PPP1R3B: variants seen among roughly 807,000 people sequenced by gnomAD.
PPP1R3B encodes PP1 subunit R4.
A neutral mutation model predicts 14.6 loss-of-function variants in PPP1R3B; 8 were observed. The observed-to-expected ratio is 0.55, with a 90% CI of 0.32 to 0.99. PPP1R3B has a LOEUF of 0.99. Among genes scored for constraint, PPP1R3B ranks in the 50% least tolerant of loss-of-function variants. The pLI, the probability that PPP1R3B is intolerant of heterozygous loss-of-function variation, is 0.04. For synonymous variants in PPP1R3B, 169 were observed against 142.0 expected, an observed-to-expected ratio of 1.19 and a Z score of -1.35; for missense variants, 452 against 360.1, an observed-to-expected ratio of 1.26 and a Z score of -2.07.
chr8:9,146,263 C>T (rs767130325), intron 1 of PPP1R3B, among the ~76,000 whole-genome samples: 1 of 152,174 alleles, frequency 6.6e-6, no homozygotes, highest in Admixed American at 6.5e-5. Context: ...TCACAGAACA[C>T]AGGATCTGGA....
Position 9,137,174 on chromosome 8 carries a change from T to C in PPP1R3B, c.*3620A>G, listed in dbSNP as rs1800916161. On this transcript the variant is annotated 3_prime_UTR_variant, in exon 2 of 2. Coordinates refer to ENST00000310455, the MANE Select transcript of PPP1R3B (RefSeq NM_024607.4). Reference sequence around the variant, plus strand: ...TCTCACCAGCTCCAGTAGAATAATTTTTTAAATAAAGAAACCCACTCAAAT... The same window carrying C: ...TCTCACCAGCTCCAGTAGAATAATTCTTTAAATAAAGAAACCCACTCAAAT... 1 of 152,240 alleles carries C rather than the reference T, an allele frequency of 6.6e-6. No homozygotes were observed. The highest frequency in any genetic ancestry group is 1.5e-5 in the Non-Finnish European group (1 of 68,048). 9.4% of individuals were successfully genotyped at this position (152,240 alleles called of 1,614,324 possible). A position where few individuals can be genotyped will look rare whatever the true frequency, so the allele number is the denominator to read the frequency against.
rs1235248941 is a variant in PPP1R3B, at chr8:9,137,745, G to A, written c.*3049C>T. On this transcript the variant is annotated 3_prime_UTR_variant, in exon 2 of 2. Coordinates refer to ENST00000310455, the MANE Select transcript of PPP1R3B (RefSeq NM_024607.4). ...AGCCCTGATGAGGAAACTCAGGCAA[G>A]TAGAGTCTTTTATTGGAGAAGAAGG... 1 of 152,268 alleles carries A rather than the reference G, an allele frequency of 6.6e-6. No individual in the cohort carries two copies. Among genetic ancestry groups the A allele is most frequent in the Admixed American group, 6.5e-5 (1 of 15,276 alleles). The allele number at this position is 152,268 out of a possible 1,614,324, so 9.4% of individuals were successfully genotyped here.
chr8:9,137,836 T>A lies in PPP1R3B; in HGVS notation c.*2958A>T, dbSNP rs1585334693. The stretch of plus-strand genomic sequence containing the variant: ...GGCAGGGTGAGCATCCCAGGTGTGC[T>A]GGCTGGGGGCTTGCATCCAGCACCC... On this transcript the variant is annotated 3_prime_UTR_variant, in exon 2 of 2. Transcript: ENST00000310455. The A allele has an allele frequency of 6.6e-6, 1 of 152,108 alleles. No individual in the cohort carries two copies. The highest frequency in any genetic ancestry group is 1.5e-5 in the Non-Finnish European group (1 of 68,042). The allele number at this position is 152,108 out of a possible 1,614,324, so 9.4% of individuals were successfully genotyped here. A position where few individuals can be genotyped will look rare whatever the true frequency, so the allele number is the denominator to read the frequency against.
chr8:9,142,026 C>G (rs1801107461), intron 1 of PPP1R3B, among the ~76,000 whole-genome samples: 1 of 152,218 alleles, frequency 6.6e-6, no homozygotes, highest in Admixed American at 6.5e-5. Flanking sequence ...GGCATATATA[C>G]TGTTTTAAAA....
chr8:9,145,392 TAATG>T (rs1801211284), intron 1 of PPP1R3B: 2 of 152,272 alleles, frequency 1.3e-5, no homozygotes, highest in Non-Finnish European at 2.9e-5. Flanking sequence ...CGCATCCACT[TAATG>T]AATAGTAAAT....
At position 9,136,835 on chromosome 8, in the gene PPP1R3B, A is replaced by G. The variant is rs943263255; in HGVS notation, c.*3959T>C. 1 of 152,234 alleles carries G rather than the reference A, an allele frequency of 6.6e-6. No homozygotes were observed. Among genetic ancestry groups the G allele is most frequent in the African/African-American group, 2.4e-5 (1 of 41,454 alleles). 9.4% of individuals were successfully genotyped at this position (152,234 alleles called of 1,614,324 possible). On this transcript the variant is annotated 3_prime_UTR_variant, in exon 2 of 2. Coordinates refer to ENST00000310455, the MANE Select transcript of PPP1R3B (RefSeq NM_024607.4). ...TAGAAGAGGAAACAAATAAAAGGCA[A>G]CCAAGGTTTTCATCCCCTATCCATT...
In PPP1R3B at chr8:9,138,905, C is replaced by G. The variant is rs972934800; in HGVS notation, c.*1889G>C. ...GAAAAATCACAGGTTTGGGGCCTAT[C>G]TGATAATGACTGTCCCGGAAGTCTC... is the stretch of plus-strand genomic sequence containing the variant. On this transcript the variant is annotated 3_prime_UTR_variant, in exon 2 of 2. Transcript: ENST00000310455. 1 of 135,288 alleles carries G rather than the reference C, an allele frequency of 7.4e-6. No homozygotes were observed. Among genetic ancestry groups the G allele is most frequent in the African/African-American group, 2.5e-5 (1 of 39,636 alleles). 8.4% of individuals were successfully genotyped at this position (135,288 alleles called of 1,614,324 possible).
intron 1 of PPP1R3B, among the ~76,000 whole-genome samples, chr8:9,149,946 G>T (rs1051210170): frequency 1.3e-5 from 2 of 152,230 alleles, no homozygotes; most frequent in Admixed American, 6.5e-5. Context: ...CTACTTGAGC[G>T]AGTCACTCAG....
chr8:9,144,110 A>G (rs897283553), intron 1 of PPP1R3B, among the ~76,000 whole-genome samples: 1 of 152,134 alleles, frequency 6.6e-6, no homozygotes, highest in African/African-American at 2.4e-5. Context: ...TAATTTAAGA[A>G]ATTTAGATGA....
upstream of PPP1R3B, among the ~76,000 whole-genome samples, chr8:9,150,886 T>A (rs1032489780): frequency 1.3e-5 from 2 of 152,150 alleles, no homozygotes; most frequent in South Asian, 4.1e-4. Flanking sequence ...GCCTACCAAG[T>A]GTATTTCCTC....
intron 1 of PPP1R3B, among the ~76,000 whole-genome samples, chr8:9,147,552 G>A (rs887887272): frequency 6.6e-6 from 1 of 151,932 alleles, no homozygotes; most frequent in Non-Finnish European, 1.5e-5. Context: ...AAGATATTGT[G>A]GAAACAGCCA....
At chr8:9,148,142 G>C (rs1176743147) in intron 1 of PPP1R3B, among the ~76,000 whole-genome samples, 1 of 152,212 alleles carries the variant, frequency 6.6e-6, no homozygotes, top group Non-Finnish European at 1.5e-5. Flanking sequence ...CCAGCGGACT[G>C]TGACAGGGAT....
Position 9,144,870 on chromosome 8 carries a change from C to T in PPP1R3B, c.-17-3202G>A, listed in dbSNP as rs187703157. On this transcript the variant is annotated intron_variant, in intron 1 of 1. Coordinates refer to ENST00000310455, the MANE Select transcript of PPP1R3B (RefSeq NM_024607.4). The stretch of plus-strand genomic sequence containing the variant: ...AAGTGATTCTCCTGCCTTAGCCTTT[C>T]GAGTAGCTGGGATTACAGGAGTCTG... Among the ~76,000 whole-genome samples, 78 of 152,244 alleles carry T rather than the reference C, an allele frequency of 5.1e-4. No individual in the cohort carries two copies. In the East Asian group the frequency reaches 0.013, roughly 25 times the overall value.
At position 9,140,230 on chromosome 8, in the gene PPP1R3B, C is replaced by G. The variant is rs1801027079; in HGVS notation, c.*564G>C. The G allele has an allele frequency of 6.3e-6, 1 of 157,702 alleles. No individual in the cohort carries two copies. The highest frequency in any genetic ancestry group is 6.0e-5 in the Admixed American group (1 of 16,642). The allele number at this position is 157,702 out of a possible 1,614,324, so 9.8% of individuals were successfully genotyped here. ...ACATAAAATGCAAAACATGAACTTG[C>G]AGAAAACAAGAGCCAATCCCATTTC... On this transcript the variant is annotated 3_prime_UTR_variant, in exon 2 of 2. Transcript: ENST00000310455.
chr8:9,141,235 C>T lies in PPP1R3B; in HGVS notation c.417G>A (p.Val139=). ...QADHVCLENC[V]LKDKAIAGTV... ...TGCCTGCAATGGCCTTGTCCTTGAG[C>T]ACACAGTTCTCAAGGCAGACGTGGT... Residue 139 remains valine (V), a synonymous_variant, in exon 2 of 2, where the codon GTG becomes GTA. Coordinates refer to ENST00000310455, the MANE Select transcript of PPP1R3B (RefSeq NM_024607.4). The T allele has an allele frequency of 3.7e-6, 6 of 1,614,150 alleles. No individual in the cohort carries two copies. The highest frequency in any genetic ancestry group is 4.2e-6 in the Non-Finnish European group (5 of 1,179,994).
At position 9,141,388 on chromosome 8, in the gene PPP1R3B, C is replaced by T; in HGVS notation, c.264G>A (p.Met88Ile). The change falls in exon 2 of 2, where the codon ATG becomes ATA. Residue 88 changes from methionine (M) to isoleucine (I), a missense_variant. Met to Ile is a conservative substitution (Grantham distance 10). Transcript: ENST00000310455. The part of the protein sequence containing the change: ...VFSEFDDPLD[M>I]PFNITELLDN... ...CTAGGAGCTCGGTGATGTTGAATGGCATATCTAGCGGGTCATCGAATTCCG... is the reference window on the plus strand; with the variant it reads ...CTAGGAGCTCGGTGATGTTGAATGGTATATCTAGCGGGTCATCGAATTCCG... 1.2e-6 allele frequency: 2 copies of T among 1,614,230 alleles called. No individual in the cohort carries two copies. Among genetic ancestry groups the T allele is most frequent in the Non-Finnish European group, 1.7e-6 (2 of 1,180,038 alleles).
chr8:9,144,185 C>CTT lies in PPP1R3B; in HGVS notation c.-17-2519_-17-2518dup, dbSNP rs1007236802. ...AATTGAAAAGATAATACAAGTTTTTCTTTTTTTTTTTTTTTTGTTTGAGAC... is the reference window on the plus strand; with the variant it reads ...AATTGAAAAGATAATACAAGTTTTTCTTTTTTTTTTTTTTTTTTGTTTGAGAC... On this transcript the variant is annotated intron_variant, in intron 1 of 1. Transcript: ENST00000310455. Among the ~76,000 whole-genome samples the CTT allele has an allele frequency of 9.5e-4, 128 of 135,106 alleles. 1 individual carries two copies. The South Asian group carries it at 0.014, about 15-fold the overall frequency. 88.6% of individuals were successfully genotyped at this position (135,106 alleles called of 152,430 possible).
Position 9,140,771 on chromosome 8 carries a change from C to A in PPP1R3B, c.*23G>T, listed in dbSNP as rs764118443. ...GCTAGGCTTGTCTGTGGCAGCTCCG[C>A]CACGCCCTGTCACCTGCAGTCACTA... On this transcript the variant is annotated 3_prime_UTR_variant, in exon 2 of 2. Transcript: ENST00000310455. 6.2e-7 allele frequency: 1 copy of A among 1,609,712 alleles called. No homozygotes were observed. The highest frequency in any genetic ancestry group is 1.7e-5 in the Admixed American group (1 of 59,912).
chr8:9,141,348 A>G lies in PPP1R3B; in HGVS notation c.304T>C (p.Leu102=). ...AAGCTCTCGCTCTCTGCTGTCGTCAAGCTCACAATGTTGTCTAGGAGCTCG... is the reference window on the plus strand; with the variant it reads ...AAGCTCTCGCTCTCTGCTGTCGTCAGGCTCACAATGTTGTCTAGGAGCTCG... ...ITELLDNIVS[L]TTAESESFVL... Residue 102 remains leucine, a synonymous_variant, in exon 2 of 2, where the codon TTG becomes CTG. Transcript: ENST00000310455. The G allele has an allele frequency of 1.2e-6, 2 of 1,614,246 alleles. No homozygotes were observed. The highest frequency in any genetic ancestry group is 1.7e-6 in the Non-Finnish European group (2 of 1,180,054).
Sources: allele counts gnomAD v4.1 joint callset (sites outside exome capture counted in the v4.1 genomes callset), GRCh38; gene constraint gnomAD v4.1.1; transcripts MANE v1.5; gene names NCBI Gene and HGNC (gene_info 2026-07-23, HGNC 2026-07-21).